TOM1: variants seen among roughly 807,000 people sequenced by gnomAD.
TOM1 encodes the protein target of Myb protein 1.
In TOM1, 38 loss-of-function variants were observed where a neutral mutation model predicts 61.3. The ratio of observed to expected loss-of-function variants is 0.62; its 90% confidence interval spans 0.48 to 0.81. The LOEUF (loss-of-function observed/expected upper bound fraction) is 0.81, where lower values mean the gene tolerates loss of function less well. TOM1 is among the 40% of genes least tolerant of loss of function. TOM1 has a pLI of 0.00. For synonymous variants in TOM1, 270 were observed against 268.8 expected (o/e 1.00, Z -0.04); for missense variants, 591 against 659.6 (o/e 0.90, Z 1.14).
chr22:35,338,842 A>G, intron 12 of TOM1, 54 bp downstream of exon 12: 2 of 1,467,274 alleles, frequency 1.4e-6, no homozygotes, highest in Non-Finnish European at 1.8e-6. Context: ...GAGGTGAGGG[A>G]ATGCTCACCC....
At chr22:35,344,020 CCTA>C (rs1930278269) in intron 12 of TOM1, among the ~76,000 whole-genome samples, 1 of 151,182 alleles carries the variant, frequency 6.6e-6, no homozygotes, top group Non-Finnish European at 1.5e-5. Flanking sequence ...TACACACACA[CCTA>C]CACTCATACA....
In TOM1 at chr22:35,299,996, C is replaced by T. The variant is rs372700472; in HGVS notation, c.52+16C>T. 1.9e-6 allele frequency: 3 copies of T among 1,562,926 alleles called. No homozygotes were observed. The highest frequency in any genetic ancestry group is 1.2e-5 in the South Asian group (1 of 85,244). On this transcript the variant is annotated intron_variant, in intron 1 of 14. Coordinates refer to ENST00000449058, the MANE Select transcript of TOM1 (RefSeq NM_005488.3). ...CAGCGCATCGGTGAGTCCCTGGAGC[C>T]CCCCACAGCTCCGCCCCGGTGCTCC... is the stretch of plus-strand genomic sequence containing the variant.
intron 1 of TOM1, among the ~76,000 whole-genome samples, chr22:35,300,219 GGGTCCGGAT>G (rs1925616832): frequency 6.6e-6 from 1 of 152,264 alleles, no homozygotes; most frequent in South Asian, 2.1e-4. Flanking sequence ...GAGAGAGGGT[GGGTCCGGAT>G]GCCCACGGCG....
chr22:35,300,237 C>A (rs1295863325), intron 1 of TOM1, among the ~76,000 whole-genome samples: 3 of 152,248 alleles, frequency 2.0e-5, no homozygotes, highest in African/African-American at 7.2e-5. Flanking sequence ...ATGCCCACGG[C>A]GCAGCCAATG....
intron 9 of TOM1, 23 bp from the exon 10 acceptor site, chr22:35,333,381 C>G (rs1255598278): frequency 6.2e-7 from 1 of 1,608,164 alleles, no homozygotes; most frequent in Non-Finnish European, 8.5e-7. Context: ...CGGGGATGAT[C>G]AGGGCATCTC....
At chr22:35,335,155 G>A (rs552862660) in intron 11 of TOM1, among the ~76,000 whole-genome samples, 349 of 152,290 alleles carry the variant, frequency 2.3e-3, no homozygotes, top group Non-Finnish European at 4.5e-3. Flanking sequence ...CAGTCTGCTT[G>A]ATGTTTTCTT....
chr22:35,323,866 C>G lies in TOM1; in HGVS notation c.600C>G (p.Ala200=). ...GCCAGCATGCTGCCCCTCTGCCCGC[C>G]CCGCCCATACTCTCCGGTGACACGC... ...DSGQHAAPLP[A]PPILSGDTPI... is the part of the protein sequence containing the mutation. Residue 200 remains alanine (A), a synonymous_variant, in exon 6 of 15, where the codon GCC becomes GCG. Coordinates refer to ENST00000449058, the MANE Select transcript of TOM1 (RefSeq NM_005488.3). This position sits in a 1 kb window ranked among gnomAD's most constrained non-coding sequence, Gnocchi z 4.2. 6.2e-7 allele frequency: 1 copy of G among 1,607,626 alleles called. No homozygotes were observed. Among genetic ancestry groups the G allele is most frequent in the South Asian group, 1.1e-5 (1 of 90,096 alleles).
intron 11 of TOM1, among the ~76,000 whole-genome samples, chr22:35,337,970 C>T (rs963108990): frequency 1.3e-5 from 2 of 152,240 alleles, no homozygotes; most frequent in African/African-American, 4.8e-5. Flanking sequence ...CCTCCTTAGC[C>T]AGCTTCTCCT....
intron 1 of TOM1, among the ~76,000 whole-genome samples, chr22:35,302,281 G>A (rs1297643270): frequency 2.6e-5 from 4 of 151,414 alleles, no homozygotes; most frequent in Non-Finnish European, 5.9e-5. Context: ...GGTCTGCGGT[G>A]GGACTCTAGA....
At chr22:35,327,141 C>G in intron 6 of TOM1, 130 bp from the exon 7 acceptor site, 2 of 828,728 alleles carry the variant, frequency 2.4e-6, no homozygotes, top group South Asian at 3.0e-5. Flanking sequence ...GGGAGGCTGC[C>G]TAGAGAGGCT....
intron 13 of TOM1, among the ~76,000 whole-genome samples, chr22:35,346,658 A>C (rs1253890070): frequency 1.3e-5 from 2 of 152,178 alleles, no homozygotes; most frequent in Non-Finnish European, 2.9e-5. Context: ...GCTTCCCAGC[A>C]ACCCTCCAAG....
intron 12 of TOM1, 101 bp downstream of exon 12, chr22:35,338,889 C>A: frequency 9.2e-7 from 1 of 1,087,522 alleles, no homozygotes; most frequent in Non-Finnish European, 1.3e-6. Flanking sequence ...TGGCCCAGCA[C>A]GTCCACAGGC....
At chr22:35,307,535 C>T (rs1418594927) in intron 1 of TOM1, among the ~76,000 whole-genome samples, 2 of 152,218 alleles carry the variant, frequency 1.3e-5, no homozygotes, top group Admixed American at 1.3e-4. Context: ...CCGCCCCTTC[C>T]CGGCTGTGTC....
chr22:35,333,142 C>T, intron 9 of TOM1, 128 bp downstream of exon 9: 3 of 1,108,094 alleles, frequency 2.7e-6, no homozygotes, highest in Non-Finnish European at 4.1e-6. Flanking sequence ...AGAGAAATCC[C>T]CTTCTAACTT....
At chr22:35,313,905 G>A (rs181501528) in intron 1 of TOM1, among the ~76,000 whole-genome samples, 3 of 152,328 alleles carry the variant, frequency 2.0e-5, no homozygotes, top group African/African-American at 7.2e-5. Flanking sequence ...GCTGCTACCC[G>A]GAGGCCCTTG....
chr22:35,330,910 T>C (rs374037100), intron 8 of TOM1, among the ~76,000 whole-genome samples: 1 of 152,198 alleles, frequency 6.6e-6, no homozygotes, highest in African/African-American at 2.4e-5. Context: ...TAATAATCTT[T>C]ATTAAATGGG....
intron 3 of TOM1, among the ~76,000 whole-genome samples, 184 bp from the exon 4 acceptor site, chr22:35,322,844 A>G (rs369971492): frequency 6.6e-6 from 1 of 152,188 alleles, no homozygotes; most frequent in Non-Finnish European, 1.5e-5. Flanking sequence ...CGTGCCCTCC[A>G]GTAAACAAGT....
chr22:35,343,964 AC>A (rs1264820455), intron 12 of TOM1, among the ~76,000 whole-genome samples: 1 of 148,690 alleles, frequency 6.7e-6, no homozygotes, highest in Non-Finnish European at 1.5e-5. Flanking sequence ...ATACATCTAT[AC>A]CTACACAACC....
intron 7 of TOM1, among the ~76,000 whole-genome samples, chr22:35,329,449 T>C (rs1389226445): frequency 1.3e-5 from 2 of 152,256 alleles, no homozygotes; most frequent in Non-Finnish European, 2.9e-5. Flanking sequence ...TTTACCAGTT[T>C]TGACAAATGC....
Sources: allele counts gnomAD v4.1 joint callset (sites outside exome capture counted in the v4.1 genomes callset), GRCh38; gene constraint gnomAD v4.1.1; non-coding constraint Gnocchi (gnomAD v3.1); transcripts MANE v1.5; gene names NCBI Gene and HGNC (gene_info 2026-07-23, HGNC 2026-07-21).